SKAP1: variants seen among roughly 807,000 people sequenced by gnomAD.
The protein encoded by SKAP1 is src kinase associated phosphoprotein 1, also known as src kinase-associated phosphoprotein 1.
A neutral mutation model predicts 58.5 loss-of-function variants in SKAP1; 44 were observed. The ratio of observed to expected loss-of-function variants is 0.75; its 90% CI spans 0.59 to 0.97. The LOEUF is 0.97. Among genes scored for constraint, SKAP1 ranks in the 50% least tolerant of loss-of-function variants. The pLI is 0.00. For missense variants in SKAP1, 390 were observed against 435.2 expected (o/e 0.90, Z 0.92); for synonymous variants, 127 against 149.7 (o/e 0.85, Z 1.11).
chr17:48,404,227 C>A (rs1013876700), intron 1 of SKAP1, among the ~76,000 whole-genome samples: 1 of 151,884 alleles, frequency 6.6e-6, no homozygotes, highest in Non-Finnish European at 1.5e-5. Flanking sequence ...CCGAGGCGGG[C>A]GGATCACCTG....
chr17:48,318,356 G>A (rs1381724740), intron 4 of SKAP1, among the ~76,000 whole-genome samples: 1 of 152,174 alleles, frequency 6.6e-6, no homozygotes, highest in Non-Finnish European at 1.5e-5. Context: ...GCAGGAGGCT[G>A]GCTCACTTTG....
intron 11 of SKAP1, among the ~76,000 whole-genome samples, chr17:48,143,626 A>G (rs767853352): frequency 6.6e-6 from 1 of 152,212 alleles, no homozygotes; most frequent in Non-Finnish European, 1.5e-5. Context: ...GGGGAAATAC[A>G]TACTCTGTCT....
At position 48,219,803 on chromosome 17, in the gene SKAP1, C is replaced by T. The variant is rs1283909224; in HGVS notation, c.281-30303G>A. On this transcript the variant is annotated intron_variant, in intron 4 of 12. Coordinates refer to ENST00000336915, the MANE Select transcript of SKAP1 (RefSeq NM_003726.4). ...CTGGCTGCACACGGTGTCTCCCAGTCTGCTCTGGCTAGAAGCTACAGCAGC... is the reference window on the plus strand; with the variant it reads ...CTGGCTGCACACGGTGTCTCCCAGTTTGCTCTGGCTAGAAGCTACAGCAGC... Among the ~76,000 whole-genome samples, 6 of 152,166 alleles carry T rather than the reference C, an allele frequency of 3.9e-5. No homozygotes were observed. The East Asian group carries it at 1.2e-3, about 29-fold the overall frequency.
At chr17:48,441,106 A>AAAAAAC in the SKAP1 span, among the ~76,000 whole-genome samples, 2 of 152,324 alleles carry the variant, frequency 1.3e-5, no homozygotes, top group East Asian at 1.9e-4. Flanking sequence ...ATAGTGTTCT[A>AAAAAAC]AAAAACAAAA....
At chr17:48,222,092 T>C (rs1265906314) in intron 4 of SKAP1, among the ~76,000 whole-genome samples, 2 of 152,146 alleles carry the variant, frequency 1.3e-5, no homozygotes, top group Non-Finnish European at 2.9e-5. Flanking sequence ...AGGGGTAACT[T>C]GGAACTCTTA....
At chr17:48,357,216 T>C (rs2066886027) in intron 3 of SKAP1, among the ~76,000 whole-genome samples, 1 of 152,212 alleles carries the variant, frequency 6.6e-6, no homozygotes, top group African/African-American at 2.4e-5. Context: ...GCATAAAATT[T>C]AGTTCTTTTT....
At chr17:48,326,897 T>C (rs1267801107) in intron 4 of SKAP1, among the ~76,000 whole-genome samples, 2 of 149,582 alleles carry the variant, frequency 1.3e-5, no homozygotes, top group Non-Finnish European at 3.0e-5. Context: ...TTCTTTTTTT[T>C]TTTTTTTTTT....
intron 4 of SKAP1, among the ~76,000 whole-genome samples, chr17:48,252,491 A>G (rs2065375534): frequency 6.6e-6 from 1 of 152,344 alleles, no homozygotes; most frequent in South Asian, 2.1e-4. Context: ...TACTTTACAT[A>G]TATATCTGAG....
chr17:48,378,888 A>G (rs1384411591), intron 2 of SKAP1, among the ~76,000 whole-genome samples: 1 of 152,206 alleles, frequency 6.6e-6, no homozygotes, highest in Non-Finnish European at 1.5e-5. Context: ...CTCATTCAGT[A>G]TAAGAGAGCA....
At chr17:48,204,977 C>CT (rs67682493) in intron 4 of SKAP1, among the ~76,000 whole-genome samples, 22,071 of 62,778 alleles carry the variant, frequency 0.35, 3,022 homozygotes, top group African/African-American at 0.48. Flanking sequence ...CTTTTCTTTT[C>CT]TTTCTTTCTT....
chr17:48,177,710 T>A (rs572257697), intron 9 of SKAP1, among the ~76,000 whole-genome samples: 1 of 152,252 alleles, frequency 6.6e-6, no homozygotes, highest in African/African-American at 2.4e-5. Context: ...AACAGCTAAG[T>A]GGAGTGGACA....
chr17:48,342,902 G>A (rs970448779), intron 4 of SKAP1, among the ~76,000 whole-genome samples: 5 of 151,976 alleles, frequency 3.3e-5, no homozygotes, highest in South Asian at 2.1e-4. Flanking sequence ...GGAGAATGGC[G>A]TGAACCCAGG....
chr17:48,367,738 C>T (rs548041629), intron 2 of SKAP1, among the ~76,000 whole-genome samples: 3 of 151,178 alleles, frequency 2.0e-5, no homozygotes, highest in East Asian at 1.9e-4. Flanking sequence ...GGAAACATGG[C>T]GAAACTTCAT....
chr17:48,360,654 T>C (rs2144387214), intron 3 of SKAP1, among the ~76,000 whole-genome samples: 1 of 152,310 alleles, frequency 6.6e-6, no homozygotes, highest in African/African-American at 2.4e-5. Flanking sequence ...ATGTTTAAGC[T>C]CATTAAAAGT....
chr17:48,216,507 T>C (rs1400322829), intron 4 of SKAP1, among the ~76,000 whole-genome samples: 1 of 152,086 alleles, frequency 6.6e-6, no homozygotes, highest in Non-Finnish European at 1.5e-5. Flanking sequence ...TTTTTTTTTT[T>C]TTGAGACAGG....
intron 4 of SKAP1, among the ~76,000 whole-genome samples, chr17:48,336,838 G>A (rs905279836): frequency 7.9e-5 from 12 of 152,114 alleles, no homozygotes; most frequent in African/African-American, 2.4e-4. Context: ...GTCTTTCATT[G>A]ATGATAATGA....
At chr17:48,353,852 C>T (rs1283765068) in intron 3 of SKAP1, among the ~76,000 whole-genome samples, 26 of 147,142 alleles carry the variant, frequency 1.8e-4, no homozygotes, top group Admixed American at 6.8e-5. Flanking sequence ...GAGCCGAGAT[C>T]GCGCCATTGC....
intron 4 of SKAP1, among the ~76,000 whole-genome samples, chr17:48,245,891 C>T: frequency 6.6e-6 from 1 of 152,148 alleles, no homozygotes; most frequent in East Asian, 1.9e-4. Context: ...AGGATAATCG[C>T]TTGAACCCAG....
At chr17:48,291,464 C>T (rs1415284307) in intron 4 of SKAP1, among the ~76,000 whole-genome samples, 2 of 152,170 alleles carry the variant, frequency 1.3e-5, no homozygotes, top group Non-Finnish European at 1.5e-5. Context: ...AACAACAGCA[C>T]CATTCTGAAA....
Sources: gnomAD v4.1 joint callset for allele counts (sites outside exome capture counted in the v4.1 genomes callset) on GRCh38, gnomAD v4.1.1 for gene constraint, MANE v1.5 for transcripts, NCBI Gene and HGNC (gene_info 2026-07-23, HGNC 2026-07-21) for gene names.